Variants in ABCA7 observed in about 807,000 individuals in gnomAD.
The protein encoded by ABCA7 is ATP binding cassette subfamily A member 7.
Under a neutral mutation model 227.6 loss-of-function variants are expected in ABCA7, and 261 were observed. The ratio of observed to expected loss-of-function variants is 1.15; its 90% confidence interval spans 1.04 to 1.27. The LOEUF (loss-of-function observed/expected upper bound fraction) is 1.27. Ranked by LOEUF, ABCA7 falls within the 50% of genes most tolerant of loss-of-function variation. ABCA7 has a pLI of 0.00. For missense variants in ABCA7, 3,331 were observed against 2,924.5 expected (o/e 1.14, Z -3.21); for synonymous variants, 1,488 against 1,279.7 (o/e 1.16, Z -3.47).
Position 1,054,304 on chromosome 19 carries a change from T to G in ABCA7, c.3689T>G (p.Leu1230Arg). The G allele has an allele frequency of 6.2e-7, 1 of 1,604,448 alleles. No homozygotes were observed. The highest frequency in any genetic ancestry group is 8.5e-7 in the Non-Finnish European group (1 of 1,179,112). ...CAGGCCCTGCTTCTCAAGCGCTTTC[T>G]GCTTGCCCGCCGCAGCCGCCGCGGC... ...QLQALLLKRF[L>R]LARRSRRGLF... is the part of the protein sequence containing the mutation. Residue 1230 changes from leucine (L) to arginine (R), a missense_variant, in exon 27 of 47, where the codon CTG becomes CGG. Transcript: ENST00000263094. The surrounding 1 kb of genome is among the most constrained non-coding windows in gnomAD (Gnocchi z 4.8).
At position 1,041,844 on chromosome 19, in the gene ABCA7, C is replaced by T. The variant is rs199776416; in HGVS notation, c.174C>T (p.Asn58=). 2.5e-6 allele frequency: 4 copies of T among 1,595,096 alleles called. No individual in the cohort carries two copies. Among genetic ancestry groups the T allele is most frequent in the Non-Finnish European group, 3.4e-6 (4 of 1,176,178 alleles). ...PLEHHECHFP[N]KPLPSAGTVP... ...GTCTCCCCGCAGGCCACTTCCCAAA[C>T]AAGCCACTGCCATCGGCGGGCACCG... Residue 58 remains asparagine (N), a synonymous_variant, in exon 4 of 47, where the codon AAC becomes AAT. Coordinates refer to ENST00000263094, the MANE Select transcript of ABCA7 (RefSeq NM_019112.4).
In ABCA7 at chr19:1,043,072, G is replaced by A. The variant is rs370774722; in HGVS notation, c.611G>A (p.Arg204Gln). 9.3e-6 allele frequency: 15 copies of A among 1,608,900 alleles called. No individual in the cohort carries two copies. Among genetic ancestry groups the A allele is most frequent in the African/African-American group, 4.0e-5 (3 of 74,828 alleles). ...LLALRSLVEL[R>Q]ALLQRPRGTS... ...GCGCTGCGCAGCCTGGTGGAGCTTC[G>A]GGCACTGCTGCAGAGACCCCGAGGG... Residue 204 changes from arginine (R) to glutamine (Q), a missense_variant, in exon 8 of 47, where the codon CGG becomes CAG. Physicochemically the swap from Arg to Gln is conservative, Grantham distance 43 (BLOSUM62 1). Transcript: ENST00000263094.
intron 10 of ABCA7, 113 bp from the exon 11 acceptor site, chr19:1,044,464 T>G (rs993726350): frequency 3.1e-6 from 4 of 1,283,564 alleles, no homozygotes; most frequent in Non-Finnish European, 4.2e-6. Context: ...GCCAGGCTGG[T>G]CTCGAACTCC....
At position 1,062,285 on chromosome 19, in the gene ABCA7, G is replaced by T. The variant is rs747100579; in HGVS notation, c.5684G>T (p.Arg1895Leu). 2 of 1,608,112 alleles carry T rather than the reference G, an allele frequency of 1.2e-6. No homozygotes were observed. The highest frequency in any genetic ancestry group is 1.1e-5 in the South Asian group (1 of 91,054). ...CACCTGGAGCTGCTTGCGCGCCTGC[G>T]CGGTGTCCCGGAGGCCCAGGTTGCC... The part of the protein sequence containing the change: ...REHLELLARL[R>L]GVPEAQVAQT... Residue 1895 changes from arginine to leucine, a missense_variant, in exon 42 of 47, where the codon CGC (arginine) becomes CTC (leucine). Coordinates refer to ENST00000263094, the MANE Select transcript of ABCA7 (RefSeq NM_019112.4).
chr19:1,055,498 T>TA (rs2042168698), intron 30 of ABCA7, 147 bp downstream of exon 30: 74 of 520,320 alleles, frequency 1.4e-4, no homozygotes, highest in Middle Eastern at 5.4e-4. Flanking sequence ...CTTCCTTTCC[T>TA]CTTTTTTTTT....
At chr19:1,064,459 G>A (rs1039543900) in intron 45 of ABCA7, among the ~76,000 whole-genome samples, 15 of 152,094 alleles carry the variant, frequency 9.9e-5, no homozygotes, top group African/African-American at 3.4e-4. Context: ...GGCGTGAGCC[G>A]GGGGCTCTGG....
intron 21 of ABCA7, 115 bp from the exon 22 acceptor site, chr19:1,051,827 T>G: frequency 2.1e-6 from 3 of 1,402,506 alleles, no homozygotes; most frequent in Non-Finnish European, 1.9e-6. Context: ...GGGATGAGGT[T>G]TTGAGGGATG....
chr19:1,048,997 A>C lies in ABCA7; in HGVS notation c.2372A>C (p.Asp791Ala). 1 of 1,587,048 alleles carries C rather than the reference A, an allele frequency of 6.3e-7. No homozygotes were observed. Among genetic ancestry groups the C allele is most frequent in the Non-Finnish European group, 8.6e-7 (1 of 1,165,436 alleles). Reference sequence around the variant, plus strand: ...CCAGCCCCTTGCCCCACCCCGCTGGACCCAAAGGGTGAGGCACTACGAGGC... The same window carrying C: ...CCAGCCCCTTGCCCCACCCCGCTGGCCCCAAAGGGTGAGGCACTACGAGGC... ...KSPAPCPTPLDPKVLVEEAPP... is the reference protein window; with the variant it reads ...KSPAPCPTPLAPKVLVEEAPP... The change falls in exon 17 of 47, where the codon GAC becomes GCC. Residue 791 changes from aspartate to alanine, a missense_variant. By Grantham distance (126) the Asp-to-Ala change is moderately radical (BLOSUM62 -2). Coordinates refer to ENST00000263094, the MANE Select transcript of ABCA7 (RefSeq NM_019112.4).
Position 1,046,404 on chromosome 19 carries a change from C to G in ABCA7, c.1620C>G (p.Asp540Glu). ...QQMPYPCYVD[D>E]VFLRVLSRSL... is the part of the protein sequence containing the mutation. ...TGCCCTATCCGTGCTATGTGGACGA[C>G]GTGTGAGCTCTGGCACCCCTCCCCG... Residue 540 changes from aspartate to glutamate, a missense_variant and splice_region_variant, in exon 13 of 47, where the codon GAC becomes GAG. By Grantham distance (45) the Asp-to-Glu change is conservative. Coordinates refer to ENST00000263094, the MANE Select transcript of ABCA7 (RefSeq NM_019112.4). 1 of 1,544,174 alleles carries G rather than the reference C, an allele frequency of 6.5e-7. No individual in the cohort carries two copies. Among genetic ancestry groups the G allele is most frequent in the African/African-American group, 1.4e-5 (1 of 73,484 alleles).
In ABCA7 at chr19:1,062,101, A is replaced by G. The variant is rs535300401; in HGVS notation, c.5571-71A>G. 4.4e-6 allele frequency: 7 copies of G among 1,574,562 alleles called. No individual in the cohort carries two copies. In the South Asian group the frequency reaches 6.9e-5, roughly 15 times the overall value. ...TGGCCCTGGATGGGTGGGCCCTGAG[A>G]CCCCTGTGTTAGCCACCAGTATGGT... On this transcript the variant is annotated intron_variant, in intron 41 of 46. Coordinates refer to ENST00000263094, the MANE Select transcript of ABCA7 (RefSeq NM_019112.4).
At chr19:1,051,832 G>A in intron 21 of ABCA7, 110 bp from the exon 22 acceptor site, 3 of 1,421,094 alleles carry the variant, frequency 2.1e-6, no homozygotes, top group Non-Finnish European at 2.9e-6. Flanking sequence ...GAGGTTTTGA[G>A]GGATGAATAG....
At chr19:1,063,960 G>A in intron 44 of ABCA7, 97 bp downstream of exon 44, 1 of 1,427,346 alleles carries the variant, frequency 7.0e-7, no homozygotes, top group Non-Finnish European at 9.2e-7. Context: ...GGGGGTCCTG[G>A]CCCTAGTGGG....
intron 40 of ABCA7, among the ~76,000 whole-genome samples, chr19:1,060,673 C>G (rs2144942963): frequency 6.6e-6 from 1 of 152,120 alleles, no homozygotes; most frequent in African/African-American, 2.4e-5. Flanking sequence ...GCGCCCGCCA[C>G]CACAACCGGC....
At chr19:1,046,139 C>T in intron 12 of ABCA7, 91 bp from the exon 13 acceptor site, 1 of 1,427,364 alleles carries the variant, frequency 7.0e-7, no homozygotes, top group Non-Finnish European at 9.6e-7. Context: ...GGCGACAGAG[C>T]AAGACCCTGT....
At chr19:1,053,606 A>G in intron 24 of ABCA7, 75 bp downstream of exon 24, 1 of 1,530,244 alleles carries the variant, frequency 6.5e-7, no homozygotes, top group Non-Finnish European at 8.8e-7. Context: ...TGAAGGATGA[A>G]TAGCGTGTTT....
In ABCA7 at chr19:1,044,708, G is replaced by A. The variant is rs757724125; in HGVS notation, c.1179G>A (p.Val393=). 5.0e-6 allele frequency: 8 copies of A among 1,611,990 alleles called. No individual in the cohort carries two copies. The highest frequency in any genetic ancestry group is 2.2e-5 in the East Asian group (1 of 44,872). ...GCTGGCAGGACGCACACGCTGATGT[G>A]GGGCACCTGGTGGGCACGCTGGGCC... ...GYSWQDAHAD[V]GHLVGTLGRV... is the part of the protein sequence containing the mutation. Residue 393 remains valine (V), a synonymous_variant, in exon 11 of 47, where the codon GTG becomes GTA. Coordinates refer to ENST00000263094, the MANE Select transcript of ABCA7 (RefSeq NM_019112.4).
chr19:1,049,305 T>A lies in ABCA7; in HGVS notation c.2420T>A (p.Val807Asp). 1 of 1,611,102 alleles carries A rather than the reference T, an allele frequency of 6.2e-7. No individual in the cohort carries two copies. Among genetic ancestry groups the A allele is most frequent in the Non-Finnish European group, 8.5e-7 (1 of 1,178,982 alleles). Residue 807 changes from valine to aspartate, a missense_variant, in exon 18 of 47, where the codon GTC becomes GAC. Physicochemically the swap from Val to Asp is radical, Grantham distance 152. Coordinates refer to ENST00000263094, the MANE Select transcript of ABCA7 (RefSeq NM_019112.4). The part of the protein sequence containing the change: ...EEAPPGLSPG[V>D]SVRSLEKRFP... ...GCACCGCCCGGCCTGAGTCCTGGCGTCTCCGTTCGCAGCCTGGAGAAGCGC... is the reference window on the plus strand; with the variant it reads ...GCACCGCCCGGCCTGAGTCCTGGCGACTCCGTTCGCAGCCTGGAGAAGCGC...
intron 3 of ABCA7, 59 bp downstream of exon 3, chr19:1,041,662 C>G (rs2040050801): frequency 3.2e-6 from 5 of 1,583,886 alleles, no homozygotes; most frequent in Non-Finnish European, 8.6e-7. Flanking sequence ...ATGGCTCACC[C>G]GTGCACAGGA....
rs760394731 is a variant in ABCA7, at chr19:1,047,618, G to A, written c.2233G>A (p.Gly745Ser). Residue 745 changes from glycine to serine, a missense_variant, in exon 16 of 47, where the codon GGC becomes AGC. Coordinates refer to ENST00000263094, the MANE Select transcript of ABCA7 (RefSeq NM_019112.4). ...GLLLLDAALYGLATWYLEAVC... is the reference protein window; with the variant it reads ...GLLLLDAALYSLATWYLEAVC... ...TCTGCTGCTGGACGCGGCGCTCTAC[G>A]GCCTCGCCACCTGGTACCTGGAAGC... 1.9e-6 allele frequency: 3 copies of A among 1,600,700 alleles called. No individual in the cohort carries two copies. The highest frequency in any genetic ancestry group is 1.1e-5 in the South Asian group (1 of 90,708).
Sources: gnomAD v4.1 joint callset for allele counts (sites outside exome capture counted in the v4.1 genomes callset) on GRCh38, gnomAD v4.1.1 for gene constraint, Gnocchi (gnomAD v3.1) non-coding constraint, MANE v1.5 for transcripts, NCBI Gene and HGNC (gene_info 2026-07-23, HGNC 2026-07-21) for gene names.